The following MYBPH variants were observed in gnomAD, a reference collection of about 807,000 sequenced individuals.
MYBPH encodes myosin-binding protein H.
A neutral mutation model predicts 53.6 loss-of-function variants in MYBPH; 49 were observed. The observed-to-expected ratio is 0.91, with a 90% CI of 0.73 to 1.16. The LOEUF is 1.16. Among genes scored for constraint, MYBPH ranks in the 50% most tolerant of loss-of-function variants. The probability of loss-of-function intolerance (pLI) is 0.00; values close to 1 mark genes in which losing one functional copy is unlikely to be tolerated. For synonymous variants in MYBPH, 239 were observed against 249.6 expected, an observed-to-expected ratio of 0.96 and a Z score of 0.40; for missense variants, 558 against 624.1, an observed-to-expected ratio of 0.89 and a Z score of 1.13.
At position 203,171,155 on chromosome 1, in the gene MYBPH, C is replaced by G; in HGVS notation, c.839G>C (p.Gly280Ala). The G allele has an allele frequency of 6.2e-7, 1 of 1,612,622 alleles. No homozygotes were observed. The highest frequency in any genetic ancestry group is 1.3e-5 in the African/African-American group (1 of 74,994). Residue 280 changes from glycine (G) to alanine (A), a missense_variant, in exon 6 of 11, where the codon GGC (glycine) becomes GCC (alanine). By Grantham distance (60) the Gly-to-Ala change is moderately conservative. Coordinates refer to ENST00000255416, the MANE Select transcript of MYBPH (RefSeq NM_004997.3). This position sits in a 1 kb window ranked among gnomAD's most constrained non-coding sequence, Gnocchi z 4.2. ...PSSIRLLDVWGCNAALQWTPP... is the reference protein window; with the variant it reads ...PSSIRLLDVWACNAALQWTPP... Reference sequence around the variant, plus strand: ...CGTCCACTGAAGAGCAGCATTGCAGCCCCAGACGTCCAGGAGCCTGATGCT... The same window carrying G: ...CGTCCACTGAAGAGCAGCATTGCAGGCCCAGACGTCCAGGAGCCTGATGCT...
In MYBPH at chr1:203,168,939, C is replaced by T. The variant is rs772762614; in HGVS notation, c.1384G>A (p.Glu462Lys). 1.2e-6 allele frequency: 2 copies of T among 1,614,062 alleles called. No homozygotes were observed. The highest frequency in any genetic ancestry group is 2.2e-5 in the South Asian group (2 of 91,080). ...YTCKAINVLG[E>K]ASVDCRLEVK... Reference sequence around the variant, plus strand: ...TCCAGCCGGCAGTCCACAGATGCCTCCCCCAGCACATTTATGGCCTTGCAG... The same window carrying T: ...TCCAGCCGGCAGTCCACAGATGCCTTCCCCAGCACATTTATGGCCTTGCAG... Residue 462 changes from glutamate (E) to lysine (K), a missense_variant, in exon 9 of 11, where the codon GAG becomes AAG. Glu to Lys is a moderately conservative substitution (Grantham distance 56). Coordinates refer to ENST00000255416, the MANE Select transcript of MYBPH (RefSeq NM_004997.3).
chr1:203,174,267 T>C (rs3737872), intron 3 of MYBPH, 163 bp downstream of exon 3: 365,208 of 975,462 alleles, frequency 0.37, 71,101 homozygotes, highest in Non-Finnish European at 0.4. Context: ...CTGAGGAACC[T>C]GGAACTTTCT....
rs1321225397 is a variant in MYBPH at position 203,170,386 on chromosome 1, C to A, written c.998G>T (p.Gly333Val). 6.2e-7 allele frequency: 1 copy of A among 1,614,150 alleles called. No homozygotes were observed. Among genetic ancestry groups the A allele is most frequent in the Admixed American group, 1.7e-5 (1 of 60,010 alleles). ...GAAGACCCGGAAGGAGTACGAGTTG[C>A]CGATGATGAGGTCAGAGATGGTGCA... ...TTCTISDLII[G>V]NSYSFRVFSE... The change falls in exon 7 of 11, where the codon GGC (glycine) becomes GTC (valine). Residue 333 changes from glycine to valine, a missense_variant. Coordinates refer to ENST00000255416, the MANE Select transcript of MYBPH (RefSeq NM_004997.3).
In MYBPH at chr1:203,168,843, T is replaced by C. The variant is rs571962805; in HGVS notation, c.1417+63A>G. 1.3e-5 allele frequency: 20 copies of C among 1,595,674 alleles called. No individual in the cohort carries two copies. The African/African-American group carries it at 2.7e-4, about 21-fold the overall frequency. ...TCTTCGGCCTTGATTTTAAGCTGTC[T>C]GCTGCCTCTAGTCCAGTTCCAGAGA... On this transcript the variant is annotated intron_variant, in intron 9 of 10. Transcript: ENST00000255416.
In MYBPH at chr1:203,168,107, C is replaced by G. The variant is rs1413808339; in HGVS notation, c.*33-16G>C. 3.7e-5 allele frequency: 6 copies of G among 162,728 alleles called. No homozygotes were observed. The highest frequency in any genetic ancestry group is 3.5e-4 in the Admixed American group (6 of 17,386). The allele number at this position is 162,728 out of a possible 1,614,324, so 10.1% of individuals were successfully genotyped here. A position where few individuals can be genotyped will look rare whatever the true frequency, so the allele number is the denominator to read the frequency against. On this transcript the variant is annotated splice_polypyrimidine_tract_variant and intron_variant, in intron 10 of 10. Coordinates refer to ENST00000255416, the MANE Select transcript of MYBPH (RefSeq NM_004997.3). ...CCTGCAGCACCTGGAGGAGGACATG[C>G]TTCCTGAGCCCCTGGTGTGAGCAGA...
At position 203,171,095 on chromosome 1, in the gene MYBPH, C is replaced by T. The variant is rs933367004; in HGVS notation, c.899G>A (p.Gly300Asp). 6.2e-7 allele frequency: 1 copy of T among 1,610,656 alleles called. No homozygotes were observed. Among genetic ancestry groups the T allele is most frequent in the Admixed American group, 1.7e-5 (1 of 59,098 alleles). The change falls in exon 6 of 11, where the codon GGC (glycine) becomes GAC (aspartate). Residue 300 changes from glycine to aspartate, a missense_variant. By Grantham distance (94) the Gly-to-Asp change is moderately conservative (BLOSUM62 -1). Transcript: ENST00000255416. The surrounding 1 kb of genome is among the most constrained non-coding windows in gnomAD (Gnocchi z 4.2). ...TTTGTCTGCCTTCTGCACCATGTAG[C>T]CCAGGAGCTCTGTGTTGCCTGTGTC... is the stretch of plus-strand genomic sequence containing the variant. ...PQDTGNTELL[G>D]YMVQKADKKT...
chr1:203,172,112 G>T (rs12737716), intron 3 of MYBPH, 72 bp from the exon 4 acceptor site: 48,715 of 961,160 alleles, frequency 0.051, 1,429 homozygotes, highest in South Asian at 0.075. Flanking sequence ...GATGGGGCAG[G>T]GGACAGCTGG....
In MYBPH at chr1:203,171,625, C is replaced by T. The variant is rs79053449; in HGVS notation, c.598-47G>A. On this transcript the variant is annotated intron_variant, in intron 4 of 10. Transcript: ENST00000255416. The surrounding 1 kb of genome is among the most constrained non-coding windows in gnomAD (Gnocchi z 4.2). The stretch of plus-strand genomic sequence containing the variant: ...GGTGAGTGTAGGGAGGTGCCAGAGT[C>T]CCCACACCTCCTTAACTCCAGGAGT... 3,249 of 1,530,562 alleles carry T rather than the reference C, an allele frequency of 2.1e-3. 45 individuals carry two copies. The African/African-American group carries it at 0.034, about 16-fold the overall frequency. The allele number at this position is 1,530,562 out of a possible 1,614,324, so 94.8% of individuals were successfully genotyped here. A position where few individuals can be genotyped will look rare whatever the true frequency, so the allele number is the denominator to read the frequency against.
intron 3 of MYBPH, among the ~76,000 whole-genome samples, chr1:203,172,596 C>T (rs990091746): frequency 6.6e-6 from 1 of 152,196 alleles, no homozygotes; most frequent in Admixed American, 6.5e-5. Context: ...GAAGCCAGGG[C>T]GGGTATCCCC....
At position 203,175,448 on chromosome 1, in the gene MYBPH, G is replaced by C. The variant is rs757790832; in HGVS notation, c.219C>G (p.Ala73=). The stretch of plus-strand genomic sequence containing the variant: ...CATCATCCAGGGTCAGCAGCAGTGG[G>C]GCACTGGGGACATCTGGGGAGATGA... ...PAPPSEDVPS[A]PLLLTLDDVS... Residue 73 remains alanine, a synonymous_variant, in exon 2 of 11, where the codon GCC becomes GCG. Coordinates refer to ENST00000255416, the MANE Select transcript of MYBPH (RefSeq NM_004997.3). 1 of 1,580,034 alleles carries C rather than the reference G, an allele frequency of 6.3e-7. No homozygotes were observed.
At chr1:203,169,662 C>T (rs1225898487) in intron 7 of MYBPH, among the ~76,000 whole-genome samples, 1 of 152,150 alleles carries the variant, frequency 6.6e-6, no homozygotes, top group African/African-American at 2.4e-5. Flanking sequence ...TTGGGTTTGT[C>T]GTTGGAGACT....
upstream of MYBPH, among the ~76,000 whole-genome samples, chr1:203,176,981 A>G (rs1170825965): frequency 1.3e-5 from 2 of 152,236 alleles, no homozygotes; most frequent in Admixed American, 6.5e-5. Context: ...TGGGATGGAT[A>G]AATAACTGTG....
chr1:203,170,486 C>A, intron 6 of MYBPH, 36 bp from the exon 7 acceptor site: 4 of 1,602,630 alleles, frequency 2.5e-6, no homozygotes, highest in Non-Finnish European at 3.4e-6. Flanking sequence ...ATTTCTCACC[C>A]CTGTCCTCAC....
upstream of MYBPH, among the ~76,000 whole-genome samples, chr1:203,176,089 C>T (rs970490512): frequency 2.0e-5 from 3 of 152,142 alleles, no homozygotes; most frequent in East Asian, 1.9e-4. Context: ...TCGAGCAGGC[C>T]GCGTGCCAGG....
rs1655700672 is a variant in MYBPH, at chr1:203,171,715, G to A, written c.598-137C>T. 1.0e-6 allele frequency: 1 copy of A among 993,800 alleles called. No homozygotes were observed. The highest frequency in any genetic ancestry group is 1.4e-6 in the Non-Finnish European group (1 of 698,196). The allele number at this position is 993,800 out of a possible 1,614,324, so 61.6% of individuals were successfully genotyped here. The stretch of plus-strand genomic sequence containing the variant: ...TTCTCAGGAGGGGCAGCAGAGGCTG[G>A]AGCCACAGGTGCTGCCCACAGCCAC... On this transcript the variant is annotated intron_variant, in intron 4 of 10. Coordinates refer to ENST00000255416, the MANE Select transcript of MYBPH (RefSeq NM_004997.3). The surrounding 1 kb of genome is among the most constrained non-coding windows in gnomAD (Gnocchi z 4.2).
chr1:203,169,579 AG>A (rs955429559), intron 7 of MYBPH, among the ~76,000 whole-genome samples, 190 bp from the exon 8 acceptor site: 12 of 152,346 alleles, frequency 7.9e-5, no homozygotes, highest in Middle Eastern at 3.4e-3. Context: ...AGAGATGAGA[AG>A]GTGGAAAAAC....
At chr1:203,168,368 A>G (rs1431919998) in intron 10 of MYBPH, among the ~76,000 whole-genome samples, 1 of 152,216 alleles carries the variant, frequency 6.6e-6, no homozygotes, top group Non-Finnish European at 1.5e-5. Flanking sequence ...CTTGCTGAAG[A>G]TCACTCAGAG....
chr1:203,172,906 T>C (rs1040846293), intron 3 of MYBPH, among the ~76,000 whole-genome samples: 1 of 152,144 alleles, frequency 6.6e-6, no homozygotes, highest in African/African-American at 2.4e-5. Context: ...ACGGTGTCTC[T>C]GAGGATTAGC....
chr1:203,178,458 C>T (rs1256230047), upstream of MYBPH, among the ~76,000 whole-genome samples: 3 of 152,180 alleles, frequency 2.0e-5, no homozygotes, highest in Admixed American at 2.0e-4. Flanking sequence ...TGCAGGGACT[C>T]CAGTCCCGAG....
Sources: gnomAD v4.1 joint callset for allele counts (sites outside exome capture counted in the v4.1 genomes callset) on GRCh38, gnomAD v4.1.1 for gene constraint, Gnocchi (gnomAD v3.1) non-coding constraint, MANE v1.5 for transcripts, NCBI Gene and HGNC (gene_info 2026-07-23, HGNC 2026-07-21) for gene names.